Variants in NDRG1 observed in about 807,000 individuals in gnomAD.
The protein encoded by NDRG1 is N-myc downstream regulated 1.
Under a neutral mutation model 56.9 loss-of-function variants are expected in NDRG1, and 32 were observed. The ratio of observed to expected loss-of-function variants is 0.56; its 90% CI spans 0.42 to 0.76. The LOEUF is 0.76. Ranked by LOEUF, NDRG1 falls within the 30% of genes least tolerant of loss-of-function variation. The pLI, the probability that NDRG1 is intolerant of heterozygous loss-of-function variation, is 0.00. For missense variants in NDRG1, 507 were observed against 545.7 expected (o/e 0.93, Z 0.71); for synonymous variants, 211 against 204.1 (o/e 1.03, Z -0.29).
rs142898558 is a variant in NDRG1 at position 133,261,701 on chromosome 8, C to G, written c.326+346G>C. 3.5e-4 allele frequency among the ~76,000 whole-genome samples: 54 copies of G among 152,302 alleles called. 1 individual carries two copies. The Middle Eastern group carries it at 0.014, about 38-fold the overall frequency. On this transcript the variant is annotated intron_variant, in intron 5 of 15. Coordinates refer to ENST00000323851, the MANE Select transcript of NDRG1 (RefSeq NM_006096.4). The stretch of plus-strand genomic sequence containing the variant: ...TGAAGTCCTGTCCAGGCTGAGCACA[C>G]CTATCGTAACGCCAGCCTTGCAGGA...
chr8:133,254,529 C>CGCAA lies in NDRG1; in HGVS notation c.594+6_594+9dup, dbSNP rs1435079359. Reference sequence around the variant, plus strand: ...CAGGAACAACAGATTTGCCAGACCACGCAACTCACCTTCCCAAAAAGGTGG... The same window carrying CGCAA: ...CAGGAACAACAGATTTGCCAGACCACGCAAGCAACTCACCTTCCCAAAAAGGTGG... On this transcript the variant is annotated intron_variant, in intron 9 of 15. Coordinates refer to ENST00000323851, the MANE Select transcript of NDRG1 (RefSeq NM_006096.4). The CGCAA allele has an allele frequency of 1.2e-6, 2 of 1,613,888 alleles. No individual in the cohort carries two copies. Among genetic ancestry groups the CGCAA allele is most frequent in the Non-Finnish European group, 1.7e-6 (2 of 1,179,938 alleles).
chr8:133,280,724 T>C (rs1405428085), intron 2 of NDRG1, among the ~76,000 whole-genome samples: 2 of 152,146 alleles, frequency 1.3e-5, no homozygotes, highest in African/African-American at 4.8e-5. Flanking sequence ...TGTGAGCCAC[T>C]GTGCCCAGCC....
chr8:133,245,758 C>T (rs967223302), intron 13 of NDRG1, among the ~76,000 whole-genome samples: 1 of 152,194 alleles, frequency 6.6e-6, no homozygotes, highest in Non-Finnish European at 1.5e-5. Context: ...GACAACCGCC[C>T]TCAAAGTACG....
At chr8:133,268,825 G>A (rs143170429) in intron 3 of NDRG1, among the ~76,000 whole-genome samples, 1 of 151,774 alleles carries the variant, frequency 6.6e-6, no homozygotes, top group Non-Finnish European at 1.5e-5. Context: ...AAAAGCAAGT[G>A]TTGTCATCTT....
At chr8:133,250,110 C>T (rs1349949870) in intron 10 of NDRG1, among the ~76,000 whole-genome samples, 2 of 152,232 alleles carry the variant, frequency 1.3e-5, no homozygotes, top group Non-Finnish European at 2.9e-5. Flanking sequence ...TCACTTAGCT[C>T]TTCTTACATT....
chr8:133,268,459 C>A (rs950648692), intron 3 of NDRG1, among the ~76,000 whole-genome samples: 5 of 152,158 alleles, frequency 3.3e-5, no homozygotes, highest in Admixed American at 3.3e-4. Context: ...ACATTGCTAG[C>A]CTTGGTGGGA....
intron 1 of NDRG1, among the ~76,000 whole-genome samples, chr8:133,286,862 G>T (rs950739500): frequency 2.6e-5 from 4 of 152,196 alleles, no homozygotes; most frequent in African/African-American, 7.2e-5. Context: ...AGTCTGGGGG[G>T]ACTGTGGGGG....
chr8:133,274,936 C>T (rs1857378948), intron 3 of NDRG1, among the ~76,000 whole-genome samples: 1 of 152,202 alleles, frequency 6.6e-6, no homozygotes, highest in Admixed American at 6.5e-5. Flanking sequence ...GCCCTCAGTG[C>T]TGGCCTGGCT....
At chr8:133,244,118 C>T (rs1855533468) in intron 14 of NDRG1, among the ~76,000 whole-genome samples, 1 of 152,170 alleles carries the variant, frequency 6.6e-6, no homozygotes. Flanking sequence ...CCATGATGAC[C>T]AAGGTGTGTC....
At chr8:133,296,533 G>A (rs1395611636) in intron 1 of NDRG1, 2 of 455,612 alleles carry the variant, frequency 4.4e-6, no homozygotes, top group East Asian at 1.4e-4. Context: ...TGTGCTACGG[G>A]ACTGAAGCGC....
chr8:133,286,079 C>A (rs749372444), intron 1 of NDRG1, among the ~76,000 whole-genome samples: 5 of 152,192 alleles, frequency 3.3e-5, no homozygotes, highest in Non-Finnish European at 7.3e-5. Flanking sequence ...ACTGTCCCAC[C>A]AGGTGGGTTC....
intron 15 of NDRG1, 158 bp from the exon 16 acceptor site, chr8:133,239,277 C>T: frequency 1.7e-6 from 2 of 1,173,260 alleles, no homozygotes; most frequent in South Asian, 2.8e-5. Flanking sequence ...CTCTCCATGT[C>T]CACTCGGAGA....
intron 9 of NDRG1, among the ~76,000 whole-genome samples, chr8:133,251,771 A>G (rs558098658): frequency 2.0e-5 from 3 of 152,328 alleles, no homozygotes; most frequent in Admixed American, 1.3e-4. Flanking sequence ...ACTTGCTGGG[A>G]AAAAGGGTTT....
intron 3 of NDRG1, among the ~76,000 whole-genome samples, chr8:133,268,563 G>A (rs975410535): frequency 6.6e-6 from 1 of 152,210 alleles, no homozygotes; most frequent in African/African-American, 2.4e-5. Context: ...CAGAGGTGAG[G>A]GAGAACATTT....
intron 3 of NDRG1, 56 bp from the exon 4 acceptor site, chr8:133,264,708 G>A: frequency 3.4e-6 from 5 of 1,450,682 alleles, no homozygotes; most frequent in Non-Finnish European, 4.8e-6. Flanking sequence ...GCATCCGCGT[G>A]GCTGAAGACA....
At chr8:133,282,908 A>G (rs889535792) in intron 2 of NDRG1, among the ~76,000 whole-genome samples, 4 of 152,232 alleles carry the variant, frequency 2.6e-5, no homozygotes, top group African/African-American at 7.2e-5. Context: ...TGTACCAGCT[A>G]TCTGGATGAA....
Position 133,244,559 on chromosome 8 carries a change from C to G in NDRG1, c.856-169G>C, listed in dbSNP as rs931672315. The G allele has an allele frequency of 1.6e-5, 12 of 741,054 alleles. No individual in the cohort carries two copies. In the Admixed American group the frequency reaches 1.6e-4, roughly 10 times the overall value. The allele number at this position is 741,054 out of a possible 1,614,324, so 45.9% of individuals were successfully genotyped here. On this transcript the variant is annotated intron_variant, in intron 13 of 15. Transcript: ENST00000323851. ...TGGGTAGGGAACACTCCAGCCCCAC[C>G]AGGCAAGGCTGCTGGTGTCTCCGTG...
Position 133,238,571 on chromosome 8 carries a change from C to T in NDRG1, c.*307G>A, listed in dbSNP as rs1048902237. 2.1e-5 allele frequency: 10 copies of T among 481,348 alleles called. No homozygotes were observed. The highest frequency in any genetic ancestry group is 3.7e-5 in the Non-Finnish European group (10 of 269,608). 29.8% of individuals were successfully genotyped at this position (481,348 alleles called of 1,614,324 possible). A position where few individuals can be genotyped will look rare whatever the true frequency, so the allele number is the denominator to read the frequency against. ...GCTTTGTGAAGTGTGTGCTGCTACG[C>T]GTCTTGTTTTTGGCAGTTTGGTGTC... On this transcript the variant is annotated 3_prime_UTR_variant, in exon 16 of 16. Transcript: ENST00000323851.
chr8:133,243,360 T>C (rs1359208381), intron 14 of NDRG1, among the ~76,000 whole-genome samples: 1 of 152,168 alleles, frequency 6.6e-6, no homozygotes, highest in Non-Finnish European at 1.5e-5. Context: ...TTGGGCCCAA[T>C]TTTAGCTCCA....
Sources: gnomAD v4.1 joint callset for allele counts (sites outside exome capture counted in the v4.1 genomes callset) on GRCh38, gnomAD v4.1.1 for gene constraint, MANE v1.5 for transcripts, NCBI Gene and HGNC (gene_info 2026-07-23, HGNC 2026-07-21) for gene names.